The following KIF6 variants were observed in gnomAD, a reference collection of about 807,000 sequenced individuals.
KIF6 encodes the protein kinesin-like protein KIF6.
KIF6 carries 106 observed loss-of-function variants against 112.7 expected under a neutral mutation model. The ratio of observed to expected loss-of-function variants is 0.94; its 90% CI spans 0.80 to 1.11. The LOEUF (loss-of-function observed/expected upper bound fraction) is 1.11. Among genes scored for constraint, KIF6 ranks in the 50% least tolerant of loss-of-function variants. KIF6 has a pLI of 0.00. For synonymous variants in KIF6, 339 were observed against 339.9 expected (o/e 1.00, Z 0.03); for missense variants, 929 against 964.0 (o/e 0.96, Z 0.48).
chr6:39,366,554 T>G (rs535990731), intron 16 of KIF6, among the ~76,000 whole-genome samples: 1 of 152,084 alleles, frequency 6.6e-6, no homozygotes, highest in Non-Finnish European at 1.5e-5. Context: ...AAGACTGCCA[T>G]GCTAGGTAGG....
At chr6:39,570,974 CT>C (rs1780609241) in intron 10 of KIF6, among the ~76,000 whole-genome samples, 1 of 152,170 alleles carries the variant, frequency 6.6e-6, no homozygotes, top group South Asian at 2.1e-4. Flanking sequence ...CTAACTGACT[CT>C]TGGTCTTGAC....
At chr6:39,436,514 T>A (rs1771542564) in intron 13 of KIF6, among the ~76,000 whole-genome samples, 2 of 152,148 alleles carry the variant, frequency 1.3e-5, no homozygotes, top group Non-Finnish European at 2.9e-5. Flanking sequence ...TAGATTTAAG[T>A]CTTTAATCCA....
At chr6:39,577,211 C>A (rs773082816) in intron 10 of KIF6, among the ~76,000 whole-genome samples, 5 of 152,214 alleles carry the variant, frequency 3.3e-5, no homozygotes, top group Non-Finnish European at 7.3e-5. Flanking sequence ...ATAACAGAAA[C>A]CTTGCTGAGG....
At chr6:39,449,955 C>T (rs1242996524) in intron 13 of KIF6, among the ~76,000 whole-genome samples, 1 of 152,272 alleles carries the variant, frequency 6.6e-6, no homozygotes, top group African/African-American at 2.4e-5. Flanking sequence ...ACCTCATCAC[C>T]TCACTATTCT....
chr6:39,629,606 T>C (rs1336405517), intron 5 of KIF6, among the ~76,000 whole-genome samples: 2 of 152,140 alleles, frequency 1.3e-5, no homozygotes, highest in African/African-American at 4.8e-5. Flanking sequence ...CAGATATGTA[T>C]TTGATAATTA....
intron 13 of KIF6, among the ~76,000 whole-genome samples, chr6:39,538,014 A>G (rs982999428): frequency 2.6e-5 from 4 of 152,250 alleles, no homozygotes; most frequent in Non-Finnish European, 4.4e-5. Flanking sequence ...GGCTAGCTAT[A>G]TGTAGAAAGT....
intron 15 of KIF6, among the ~76,000 whole-genome samples, chr6:39,399,714 G>A (rs959558543): frequency 6.6e-6 from 1 of 152,382 alleles, no homozygotes; most frequent in East Asian, 1.9e-4. Context: ...GCCTGAGGGT[G>A]TGTGGAAGCC....
chr6:39,450,981 T>C (rs370239187), intron 13 of KIF6, among the ~76,000 whole-genome samples: 1 of 152,336 alleles, frequency 6.6e-6, no homozygotes, highest in African/African-American at 2.4e-5. Flanking sequence ...GTAGTGAAAG[T>C]CTTTAGGAAT....
intron 10 of KIF6, among the ~76,000 whole-genome samples, chr6:39,564,507 G>C (rs779242459): frequency 1.3e-5 from 2 of 152,270 alleles, no homozygotes; most frequent in African/African-American, 2.4e-5. Context: ...ATCAGTCCTT[G>C]GGCTGTCTTG....
chr6:39,418,945 C>G (rs1469474542), intron 15 of KIF6, among the ~76,000 whole-genome samples: 3 of 152,128 alleles, frequency 2.0e-5, no homozygotes, highest in Non-Finnish European at 4.4e-5. Context: ...CTGCCTTCTC[C>G]AGCACAGAGG....
At chr6:39,631,416 A>G (rs1784346021) in intron 5 of KIF6, among the ~76,000 whole-genome samples, 1 of 152,094 alleles carries the variant, frequency 6.6e-6, no homozygotes, top group Non-Finnish European at 1.5e-5. Context: ...TGTTAGCTGT[A>G]GGATTTTGTA....
intron 10 of KIF6, among the ~76,000 whole-genome samples, chr6:39,548,337 C>T (rs1582107653): frequency 6.6e-6 from 1 of 152,180 alleles, no homozygotes; most frequent in East Asian, 1.9e-4. Flanking sequence ...TCCTCTCCCA[C>T]ACAGCAACAC....
At chr6:39,407,722 C>T (rs1049245590) in intron 15 of KIF6, among the ~76,000 whole-genome samples, 1 of 152,178 alleles carries the variant, frequency 6.6e-6, no homozygotes, top group South Asian at 2.1e-4. Context: ...CAAGTTTTAA[C>T]CATCTGTATG....
intron 3 of KIF6, among the ~76,000 whole-genome samples, chr6:39,688,600 G>A (rs558166237): frequency 2.0e-5 from 3 of 152,176 alleles, no homozygotes; most frequent in South Asian, 2.1e-4. Context: ...AGTACCACAG[G>A]AACGAGTAGT....
intron 20 of KIF6, chr6:39,346,221 C>A: frequency 1.7e-6 from 1 of 599,784 alleles, no homozygotes; most frequent in Non-Finnish European, 3.0e-6. Context: ...GAAGGAAGCC[C>A]TCAGCAGGAA....
intron 8 of KIF6, among the ~76,000 whole-genome samples, chr6:39,585,454 C>T (rs1781573703): frequency 6.6e-6 from 1 of 152,212 alleles, no homozygotes; most frequent in East Asian, 1.9e-4. Context: ...TGGTACTGGT[C>T]CATGGCTCGG....
intron 13 of KIF6, among the ~76,000 whole-genome samples, chr6:39,536,414 C>T (rs1305742249): frequency 6.6e-6 from 1 of 152,078 alleles, no homozygotes; most frequent in East Asian, 1.9e-4. Flanking sequence ...ATACAAACTA[C>T]CATCAGAGAA....
At chr6:39,420,051 A>G in intron 14 of KIF6, 48 bp from the exon 15 acceptor site, 1 of 1,324,616 alleles carries the variant, frequency 7.5e-7, no homozygotes, top group Non-Finnish European at 1.1e-6. Flanking sequence ...TCATCCTACA[A>G]GATGTTTTAA....
At chr6:39,430,759 G>C (rs1771095993) in intron 14 of KIF6, among the ~76,000 whole-genome samples, 1 of 152,200 alleles carries the variant, frequency 6.6e-6, no homozygotes. Context: ...GACATGGATA[G>C]AGTACAGGCT....
Sources: gnomAD v4.1 joint callset for allele counts (sites outside exome capture counted in the v4.1 genomes callset) on GRCh38, gnomAD v4.1.1 for gene constraint, MANE v1.5 for transcripts, NCBI Gene and HGNC (gene_info 2026-07-23, HGNC 2026-07-21) for gene names.